Variants in GPC5 observed in about 807,000 individuals in gnomAD.
GPC5 encodes the protein glypican 5.
A neutral mutation model predicts 53.9 loss-of-function variants in GPC5; 47 were observed. That is an observed-to-expected ratio of 0.87 (90% CI 0.69 to 1.11). The LOEUF (loss-of-function observed/expected upper bound fraction) is 1.11. Ranked by LOEUF, GPC5 falls within the 50% of genes most tolerant of loss-of-function variation. The probability of loss-of-function intolerance (pLI) is 0.00; values close to 1 mark genes in which losing one functional copy is unlikely to be tolerated. For missense variants in GPC5, 748 were observed against 713.1 expected (o/e 1.05, Z -0.56); for synonymous variants, 286 against 263.3 (o/e 1.09, Z -0.84).
At chr13:91,488,562 A>G (rs557568923) in intron 2 of GPC5, among the ~76,000 whole-genome samples, 6 of 152,326 alleles carry the variant, frequency 3.9e-5, no homozygotes, top group African/African-American at 1.4e-4. Context: ...GTCTCTGAAC[A>G]TAAATTGTGA....
intron 7 of GPC5, among the ~76,000 whole-genome samples, chr13:92,348,332 C>T (rs754220007): frequency 7.9e-5 from 12 of 151,534 alleles, no homozygotes; most frequent in Non-Finnish European, 1.2e-4. Context: ...ATAGGAGACG[C>T]ATAAGAACAT....
intron 2 of GPC5, among the ~76,000 whole-genome samples, chr13:91,676,731 T>C (rs1323313878): frequency 6.6e-6 from 1 of 152,228 alleles, no homozygotes; most frequent in Non-Finnish European, 1.5e-5. Flanking sequence ...TTGGAGGCTT[T>C]TGAAAACACT....
chr13:92,112,407 T>C (rs2041564746), intron 6 of GPC5, among the ~76,000 whole-genome samples: 1 of 152,026 alleles, frequency 6.6e-6, no homozygotes, highest in Non-Finnish European at 1.5e-5. Flanking sequence ...AAACAGAAAA[T>C]CTAAGTGGAA....
chr13:91,595,591 C>T (rs1390308566), intron 2 of GPC5, among the ~76,000 whole-genome samples: 1 of 151,878 alleles, frequency 6.6e-6, no homozygotes, highest in Non-Finnish European at 1.5e-5. Flanking sequence ...TTTAGTTATT[C>T]CCATTTTCTT....
At position 92,642,588 on chromosome 13, in the gene GPC5, C is replaced by T. The variant is rs560432831; in HGVS notation, c.1562-223694C>T. On this transcript the variant is annotated intron_variant, in intron 7 of 7. Transcript: ENST00000377067. Reference sequence around the variant, plus strand: ...ATCGTGTGAGGCCGTTACAAATGGCCGACATTTGTAGGCCACTACATCTGG... The same window carrying T: ...ATCGTGTGAGGCCGTTACAAATGGCTGACATTTGTAGGCCACTACATCTGG... 2.6e-4 allele frequency among the ~76,000 whole-genome samples: 40 copies of T among 152,274 alleles called. No homozygotes were observed. In the South Asian group the frequency reaches 8.3e-3, roughly 32 times the overall value.
At chr13:92,269,038 T>G (rs923484688) in intron 7 of GPC5, among the ~76,000 whole-genome samples, 1 of 152,154 alleles carries the variant, frequency 6.6e-6, no homozygotes, top group African/African-American at 2.4e-5. Context: ...CTGTTTATAC[T>G]CTTCAAATGC....
intron 7 of GPC5, among the ~76,000 whole-genome samples, chr13:92,587,215 T>C (rs185675509): frequency 6.6e-6 from 1 of 152,164 alleles, no homozygotes; most frequent in African/African-American, 2.4e-5. Flanking sequence ...GTAGTATGAA[T>C]TGGCATTCTA....
intron 2 of GPC5, among the ~76,000 whole-genome samples, chr13:91,570,493 T>C (rs914712712): frequency 6.6e-6 from 1 of 152,214 alleles, no homozygotes; most frequent in Non-Finnish European, 1.5e-5. Flanking sequence ...ACCTGTATTA[T>C]ACTTAGAAAA....
At chr13:92,158,723 T>G (rs1305655271) in intron 7 of GPC5, among the ~76,000 whole-genome samples, 2 of 151,816 alleles carry the variant, frequency 1.3e-5, no homozygotes, top group Non-Finnish European at 2.9e-5. Flanking sequence ...TCTCTGCTTC[T>G]GTATTGTCCA....
intron 7 of GPC5, among the ~76,000 whole-genome samples, chr13:92,480,466 G>C (rs777543929): frequency 6.6e-6 from 1 of 152,222 alleles, no homozygotes; most frequent in Admixed American, 6.5e-5. Context: ...GAAAACCCAA[G>C]TTTAAGAAGG....
chr13:92,146,546 G>A (rs1468485359), intron 7 of GPC5, among the ~76,000 whole-genome samples: 1 of 152,046 alleles, frequency 6.6e-6, no homozygotes, highest in Non-Finnish European at 1.5e-5. Context: ...GGGGAAAACA[G>A]GTAATGTTTG....
At chr13:91,650,884 G>A (rs1033617093) in intron 2 of GPC5, among the ~76,000 whole-genome samples, 1 of 151,218 alleles carries the variant, frequency 6.6e-6, no homozygotes, top group Non-Finnish European at 1.5e-5. Context: ...CACTTAAGTT[G>A]GTGCCTTCTA....
At chr13:91,817,291 C>A (rs532404830) in intron 5 of GPC5, among the ~76,000 whole-genome samples, 11 of 152,208 alleles carry the variant, frequency 7.2e-5, no homozygotes, top group African/African-American at 2.6e-4. Flanking sequence ...AATTATTCTT[C>A]AAACTTATTT....
intron 2 of GPC5, among the ~76,000 whole-genome samples, chr13:91,650,834 T>C (rs544218867): frequency 6.6e-6 from 1 of 150,398 alleles, no homozygotes; most frequent in South Asian, 2.1e-4. Flanking sequence ...TTAATTTTAA[T>C]GAAATTATAA....
chr13:91,665,515 T>C (rs1446841476), intron 2 of GPC5, among the ~76,000 whole-genome samples: 3 of 151,978 alleles, frequency 2.0e-5, no homozygotes, highest in Non-Finnish European at 2.9e-5. Context: ...CTTTTTTTTT[T>C]CTTTTGAGAC....
intron 7 of GPC5, among the ~76,000 whole-genome samples, chr13:92,713,608 CAA>C (rs5805758): frequency 1.5e-4 from 17 of 113,972 alleles, no homozygotes; most frequent in Non-Finnish European, 2.0e-4. Context: ...ACTCCAATCT[CAA>C]AAAAAAAAAA....
rs565262479 is a variant in GPC5 at position 92,345,063 on chromosome 13, A to G, written c.1561+200074A>G. 9.2e-5 allele frequency among the ~76,000 whole-genome samples: 14 copies of G among 152,330 alleles called. 1 individual carries two copies. In the South Asian group the frequency reaches 2.3e-3, roughly 25 times the overall value. ...TTTGAACTAGCATAATAAAAATACAACAGCATAATATATCAAGAGAAAAAT... is the reference window on the plus strand; with the variant it reads ...TTTGAACTAGCATAATAAAAATACAGCAGCATAATATATCAAGAGAAAAAT... On this transcript the variant is annotated intron_variant, in intron 7 of 7. Transcript: ENST00000377067.
intron 7 of GPC5, among the ~76,000 whole-genome samples, chr13:92,244,904 G>A (rs2042639072): frequency 6.6e-6 from 1 of 151,938 alleles, no homozygotes; most frequent in Non-Finnish European, 1.5e-5. Context: ...TGGGTGTGGT[G>A]GTGTGTGCCT....
chr13:91,731,540 G>A (rs143347708), intron 4 of GPC5, among the ~76,000 whole-genome samples: 7 of 151,684 alleles, frequency 4.6e-5, no homozygotes, highest in African/African-American at 1.7e-4. Context: ...TTTTATTTTA[G>A]GTTCTGGGAT....
Sources: allele counts gnomAD v4.1 joint callset (sites outside exome capture counted in the v4.1 genomes callset), GRCh38; gene constraint gnomAD v4.1.1; transcripts MANE v1.5; gene names NCBI Gene and HGNC (gene_info 2026-07-23, HGNC 2026-07-21).